The following SRCIN1 variants were observed in gnomAD, a reference collection of about 807,000 sequenced individuals.
SRCIN1 encodes P130Cas-associated protein.
A neutral mutation model predicts 116.2 loss-of-function variants in SRCIN1; 50 were observed. The ratio of observed to expected loss-of-function variants is 0.43; its 90% CI spans 0.34 to 0.54. SRCIN1 has a LOEUF of 0.54. SRCIN1 is among the 20% of genes least tolerant of loss of function. The pLI is 0.02. For missense variants in SRCIN1, 1,446 were observed against 1,672.0 expected, an observed-to-expected ratio of 0.86 and a Z score of 2.36; for synonymous variants, 736 against 750.0, an observed-to-expected ratio of 0.98 and a Z score of 0.30.
intron 17 of SRCIN1, chr17:38,547,668 G>A (rs1905147509): frequency 3.9e-6 from 1 of 258,934 alleles, no homozygotes; most frequent in Non-Finnish European, 7.8e-6. Flanking sequence ...GGTGACTGGC[G>A]TTTTAGCGGG....
At chr17:38,606,431 G>T (rs1420159554), upstream of SRCIN1, among the ~76,000 whole-genome samples, 1 of 152,074 alleles carries the variant, frequency 6.6e-6, no homozygotes, top group Non-Finnish European at 1.5e-5. The surrounding 1 kb of genome is among the most constrained non-coding windows in gnomAD (Gnocchi z 5.2). Flanking sequence ...GGAGCGCCCG[G>T]ATCCTCCTCT....
At chr17:38,538,754 C>G (rs1597878286) in intron 18 of SRCIN1, among the ~76,000 whole-genome samples, 1 of 152,208 alleles carries the variant, frequency 6.6e-6, no homozygotes. Flanking sequence ...CTCACACCCA[C>G]GAGGTTATGC....
chr17:38,562,098 G>A lies in SRCIN1; in HGVS notation c.1065C>T (p.Ala355=), dbSNP rs938677093. The A allele has an allele frequency of 1.2e-5, 17 of 1,435,784 alleles. No individual in the cohort carries two copies. The highest frequency in any genetic ancestry group is 3.6e-6 in the Non-Finnish European group (4 of 1,100,852). 88.9% of individuals were successfully genotyped at this position (1,435,784 alleles called of 1,614,324 possible). The change falls in exon 7 of 19, where the codon GCC becomes GCT. Residue 355 remains alanine, a synonymous_variant. Coordinates refer to ENST00000617146, the MANE Select transcript of SRCIN1 (RefSeq NM_025248.3). The surrounding 1 kb of genome is among the most constrained non-coding windows in gnomAD (Gnocchi z 4.2). ...TGGGGCTGACGCCCTGGGCGGCCGG[G>A]GCGCCTCCCAGCCTCTCGGCCGCGT... The part of the protein sequence containing the change: ...VHHAAERLGG[A]PAAQGVSPSP...
intron 1 of SRCIN1, among the ~76,000 whole-genome samples, chr17:38,582,491 A>G (rs1391513754): frequency 6.6e-6 from 1 of 152,244 alleles, no homozygotes; most frequent in African/African-American, 2.4e-5. Flanking sequence ...GCTGCTGAGC[A>G]GCCTGCACAG....
At chr17:38,571,037 C>A (rs773121116) in intron 2 of SRCIN1, among the ~76,000 whole-genome samples, 1 of 152,180 alleles carries the variant, frequency 6.6e-6, no homozygotes, top group Non-Finnish European at 1.5e-5. Context: ...CCACCAGGAA[C>A]GAGACACAGT....
chr17:38,535,753 T>C (rs1374725558), intron 18 of SRCIN1, among the ~76,000 whole-genome samples: 1 of 152,146 alleles, frequency 6.6e-6, no homozygotes, highest in Non-Finnish European at 1.5e-5. Context: ...TGCTCTAGCC[T>C]TTCCCATTTA....
chr17:38,567,049 C>CAT (rs1247797865), intron 3 of SRCIN1, among the ~76,000 whole-genome samples: 3 of 152,116 alleles, frequency 2.0e-5, no homozygotes, highest in Non-Finnish European at 4.4e-5. Context: ...CTCAATCTCC[C>CAT]ATACTCAAGT....
At position 38,566,614 on chromosome 17, in the gene SRCIN1, T is replaced by C. The variant is rs544701506; in HGVS notation, c.345+1597A>G. On this transcript the variant is annotated intron_variant, in intron 3 of 18. Transcript: ENST00000617146. ...AGGTTGTCCATAGACTAGGGAAGAA[T>C]CACTTGGGAGCTTTTAAAAATACCT... Among the ~76,000 whole-genome samples the C allele has an allele frequency of 1.2e-4, 18 of 152,274 alleles. No homozygotes were observed. In the South Asian group the frequency reaches 3.5e-3, roughly 30 times the overall value.
At position 38,530,456 on chromosome 17, in the gene SRCIN1, G is replaced by A. The variant is rs963035232; in HGVS notation, c.*2841C>T. 1 of 153,170 alleles carries A rather than the reference G, an allele frequency of 6.5e-6. No individual in the cohort carries two copies. Among genetic ancestry groups the A allele is most frequent in the Non-Finnish European group, 1.5e-5 (1 of 68,826 alleles). The allele number at this position is 153,170 out of a possible 1,614,324, so 9.5% of individuals were successfully genotyped here. ...CCCGAGACGTCTTAGTTTTCTCTTG[G>A]TCAAGCACACACTGATGGACAGAGC... On this transcript the variant is annotated 3_prime_UTR_variant, in exon 19 of 19. Coordinates refer to ENST00000617146, the MANE Select transcript of SRCIN1 (RefSeq NM_025248.3).
intron 1 of SRCIN1, among the ~76,000 whole-genome samples, chr17:38,592,453 G>A (rs1262004064): frequency 6.6e-6 from 1 of 152,184 alleles, no homozygotes; most frequent in African/African-American, 2.4e-5. Context: ...ACTGAAAGCA[G>A]GTGACATGTG....
rs767089036 is a variant in SRCIN1 at position 38,563,315 on chromosome 17, A to G, written c.740+8T>C. ...AGCCCACCCAAATCCCCCCCGGTCC[A>G]CGCCCACCGGACGTCCTCCAGCTCG... On this transcript the variant is annotated splice_region_variant and intron_variant, in intron 5 of 18. Coordinates refer to ENST00000617146, the MANE Select transcript of SRCIN1 (RefSeq NM_025248.3). The surrounding 1 kb of genome is among the most constrained non-coding windows in gnomAD (Gnocchi z 5.8). The G allele has an allele frequency of 2.6e-6, 4 of 1,566,020 alleles. No homozygotes were observed. The highest frequency in any genetic ancestry group is 2.6e-6 in the Non-Finnish European group (3 of 1,155,078).
At chr17:38,564,642 C>G (rs918287389) in intron 3 of SRCIN1, among the ~76,000 whole-genome samples, 1 of 151,520 alleles carries the variant, frequency 6.6e-6, no homozygotes, top group Non-Finnish European at 1.5e-5. Context: ...AATTTGTCAC[C>G]GAGGTGAGCA....
chr17:38,577,738 T>C (rs1907503595), intron 2 of SRCIN1, among the ~76,000 whole-genome samples: 1 of 152,164 alleles, frequency 6.6e-6, no homozygotes, highest in African/African-American at 2.4e-5. Context: ...GACAAGAAGC[T>C]CATACTTGGG....
At chr17:38,570,276 G>T (rs1051346340) in intron 2 of SRCIN1, among the ~76,000 whole-genome samples, 1 of 152,098 alleles carries the variant, frequency 6.6e-6, no homozygotes, top group African/African-American at 2.4e-5. Flanking sequence ...TTTGGCTCCC[G>T]CCAGACCCCT....
intron 10 of SRCIN1, 121 bp downstream of exon 10, chr17:38,559,464 G>T: frequency 9.6e-7 from 1 of 1,038,148 alleles, no homozygotes; most frequent in Non-Finnish European, 1.4e-6. Flanking sequence ...AGCGGCGAAG[G>T]ACTCGGGCGT....
At position 38,561,488 on chromosome 17, in the gene SRCIN1, C is replaced by T. The variant is rs1906236258; in HGVS notation, c.1675G>A (p.Val559Met). 2 of 1,592,168 alleles carry T rather than the reference C, an allele frequency of 1.3e-6. No homozygotes were observed. Among genetic ancestry groups the T allele is most frequent in the Non-Finnish European group, 8.5e-7 (1 of 1,176,380 alleles). ...ERSLVGFGPPVPAKDTETRER... is the reference protein window; with the variant it reads ...ERSLVGFGPPMPAKDTETRER... ...CTGGTCTCCGTGTCCTTGGCTGGCACTGGCGGCCCGAACCCAACCAGCGAG... is the reference window on the plus strand; with the variant it reads ...CTGGTCTCCGTGTCCTTGGCTGGCATTGGCGGCCCGAACCCAACCAGCGAG... The change falls in exon 7 of 19, where the codon GTG becomes ATG. Residue 559 changes from valine (V) to methionine (M), a missense_variant. Val to Met is a conservative substitution (Grantham distance 21, BLOSUM62 1). Around this residue, in one of 5 missense-constraint regions of SRCIN1, gnomAD observed 398 missense variants for 385.6 expected, o/e 1.03. Coordinates refer to ENST00000617146, the MANE Select transcript of SRCIN1 (RefSeq NM_025248.3).
intron 17 of SRCIN1, among the ~76,000 whole-genome samples, chr17:38,548,041 C>T (rs1014499067): frequency 6.6e-6 from 1 of 152,310 alleles, no homozygotes; most frequent in East Asian, 1.9e-4. Context: ...GCCCTCTCTG[C>T]CCTCATCTGG....
chr17:38,585,597 T>A lies in SRCIN1; in HGVS notation c.23-6806A>T, dbSNP rs1908070538. On this transcript the variant is annotated intron_variant, in intron 1 of 18. Coordinates refer to ENST00000617146, the MANE Select transcript of SRCIN1 (RefSeq NM_025248.3). This position sits in a 1 kb window ranked among gnomAD's most constrained non-coding sequence, Gnocchi z 4.2. The stretch of plus-strand genomic sequence containing the variant: ...TGGGTGCCCCTGGCTCTGCCTTCCT[T>A]GTGTGCCCATACTCCTCAGTTTCTG... 6.6e-6 allele frequency among the ~76,000 whole-genome samples: 1 copy of A among 152,172 alleles called. No individual in the cohort carries two copies. Among genetic ancestry groups the A allele is most frequent in the South Asian group, 2.1e-4 (1 of 4,824 alleles).
chr17:38,605,549 G>A, intron 1 of SRCIN1, 135 bp downstream of exon 1: 2 of 538,458 alleles, frequency 3.7e-6, no homozygotes, highest in South Asian at 2.5e-5. Context: ...AGCATCCCTC[G>A]CCCCGCCGGC....
Sources: gnomAD v4.1 joint callset for allele counts (sites outside exome capture counted in the v4.1 genomes callset) on GRCh38, gnomAD v4.1.1 for gene constraint, gnomAD v4.1.1 regional missense constraint, Gnocchi (gnomAD v3.1) non-coding constraint, MANE v1.5 for transcripts, NCBI Gene and HGNC (gene_info 2026-07-23, HGNC 2026-07-21) for gene names.